KHDRBS2: variants seen among roughly 807,000 people sequenced by gnomAD.
KHDRBS2 encodes KH domain-containing, RNA-binding, signal transduction-associated protein 2.
Under a neutral mutation model 44.3 loss-of-function variants are expected in KHDRBS2, and 26 were observed. The ratio of observed to expected loss-of-function variants is 0.59; its 90% CI spans 0.43 to 0.81. The LOEUF is 0.81. Ranked by LOEUF, KHDRBS2 falls within the 40% of genes least tolerant of loss-of-function variation. KHDRBS2 has a pLI of 0.00. For synonymous variants in KHDRBS2, 194 were observed against 151.1 expected (o/e 1.28, Z -2.08); for missense variants, 476 against 433.1 (o/e 1.10, Z -0.88).
intron 6 of KHDRBS2, among the ~76,000 whole-genome samples, chr6:61,810,350 C>A (rs1787916589): frequency 6.6e-6 from 1 of 152,008 alleles, no homozygotes; most frequent in African/African-American, 2.4e-5. Context: ...CAATAGCAGG[C>A]CAGAATGGAG....
intron 3 of KHDRBS2, among the ~76,000 whole-genome samples, chr6:62,017,477 A>G (rs759087215): frequency 4.6e-5 from 7 of 152,186 alleles, no homozygotes; most frequent in Non-Finnish European, 1.0e-4. Context: ...GAAAAAAATA[A>G]TGCTACCCAT....
intron 3 of KHDRBS2, among the ~76,000 whole-genome samples, chr6:62,012,357 T>C (rs1336935415): frequency 6.6e-6 from 1 of 152,176 alleles, no homozygotes; most frequent in Non-Finnish European, 1.5e-5. Flanking sequence ...TTGTCCACTG[T>C]AGCAATTTCC....
intron 7 of KHDRBS2, among the ~76,000 whole-genome samples, chr6:61,721,265 C>CT (rs1179842522): frequency 1.3e-5 from 2 of 152,112 alleles, no homozygotes; most frequent in Admixed American, 6.6e-5. Flanking sequence ...GACGCGGGCT[C>CT]TTTTTTGGTT....
In KHDRBS2 at chr6:61,680,092, T is replaced by G. The variant is rs1766158021; in HGVS notation, c.*871A>C. On this transcript the variant is annotated 3_prime_UTR_variant, in exon 9 of 9. Transcript: ENST00000281156. Reference sequence around the variant, plus strand: ...TAAATTATTTAACAACCATAAGTTATTAATACATTTTTAAGTATTACACAA... The same window carrying G: ...TAAATTATTTAACAACCATAAGTTAGTAATACATTTTTAAGTATTACACAA... 1 of 152,368 alleles carries G rather than the reference T, an allele frequency of 6.6e-6. No individual in the cohort carries two copies. The highest frequency in any genetic ancestry group is 2.4e-5 in the African/African-American group (1 of 41,444). 9.4% of individuals were successfully genotyped at this position (152,368 alleles called of 1,614,324 possible). A position where few individuals can be genotyped will look rare whatever the true frequency, so the allele number is the denominator to read the frequency against.
chr6:62,048,281 A>G (rs1021775219), intron 2 of KHDRBS2, among the ~76,000 whole-genome samples: 1 of 151,922 alleles, frequency 6.6e-6, no homozygotes, highest in Non-Finnish European at 1.5e-5. Flanking sequence ...CAAATGAATC[A>G]TTTATTAAGG....
chr6:61,712,317 G>C (rs1161876641), intron 7 of KHDRBS2, among the ~76,000 whole-genome samples: 1 of 151,798 alleles, frequency 6.6e-6, no homozygotes, highest in Non-Finnish European at 1.5e-5. Context: ...ATACTCTACC[G>C]CATTCTGGGT....
chr6:61,717,597 T>C (rs1771665723), intron 7 of KHDRBS2, among the ~76,000 whole-genome samples: 1 of 152,112 alleles, frequency 6.6e-6, no homozygotes, highest in African/African-American at 2.4e-5. Context: ...AGTGACTTTA[T>C]AGTGAATAGT....
At chr6:61,549,343 T>G in the KHDRBS2 span, among the ~76,000 whole-genome samples, 1 of 152,186 alleles carries the variant, frequency 6.6e-6, no homozygotes, top group African/African-American at 2.4e-5. Context: ...AGTCTTAAAA[T>G]TTTTGAATAA....
chr6:62,060,426 A>G (rs1429444541), intron 2 of KHDRBS2, among the ~76,000 whole-genome samples: 2 of 151,804 alleles, frequency 1.3e-5, no homozygotes, highest in African/African-American at 4.8e-5. Flanking sequence ...GGAAACCAAC[A>G]TGACAGCAAA....
intron 2 of KHDRBS2, among the ~76,000 whole-genome samples, chr6:62,063,082 G>A (rs1792450498): frequency 1.4e-5 from 2 of 138,892 alleles, no homozygotes; most frequent in African/African-American, 2.6e-5. Context: ...AAACCAGGAA[G>A]AAGTTGAATC....
intron 3 of KHDRBS2, among the ~76,000 whole-genome samples, chr6:62,021,977 C>T (rs1185327254): frequency 4.0e-5 from 6 of 149,002 alleles, no homozygotes; most frequent in Admixed American, 6.8e-5. Context: ...TATATACACA[C>T]ACTATATATA....
chr6:61,587,675 T>G, the KHDRBS2 span, among the ~76,000 whole-genome samples: 1 of 152,322 alleles, frequency 6.6e-6, no homozygotes, highest in East Asian at 1.9e-4. Flanking sequence ...ATTTTTGATT[T>G]GACAGATTGT....
At chr6:61,966,843 T>C (rs188565888) in intron 4 of KHDRBS2, among the ~76,000 whole-genome samples, 1 of 152,058 alleles carries the variant, frequency 6.6e-6, no homozygotes, top group Non-Finnish European at 1.5e-5. Context: ...CTCCCTATCA[T>C]GCACTTAGAG....
intron 3 of KHDRBS2, among the ~76,000 whole-genome samples, chr6:62,009,692 T>C (rs758976096): frequency 1.3e-5 from 2 of 152,166 alleles, no homozygotes; most frequent in Non-Finnish European, 2.9e-5. Flanking sequence ...ACTCCAGCTG[T>C]GGCTGAAAGG....
At chr6:61,822,961 T>C (rs114336779) in intron 6 of KHDRBS2, among the ~76,000 whole-genome samples, 1 of 152,056 alleles carries the variant, frequency 6.6e-6, no homozygotes, top group Non-Finnish European at 1.5e-5. Context: ...GTTGGTCATC[T>C]CCATAAGGAC....
chr6:61,793,893 G>C (rs1434624835), intron 6 of KHDRBS2, among the ~76,000 whole-genome samples: 1 of 152,002 alleles, frequency 6.6e-6, no homozygotes, highest in African/African-American at 2.4e-5. Context: ...TTGAATTAGA[G>C]GGGTGTTAAT....
At chr6:61,870,288 G>T (rs369481768) in intron 6 of KHDRBS2, among the ~76,000 whole-genome samples, 145 of 152,270 alleles carry the variant, frequency 9.5e-4, no homozygotes, top group African/African-American at 3.3e-3. Flanking sequence ...AAGTTCGAAC[G>T]GGACGGAGCC....
chr6:61,935,477 A>G (rs566482538), intron 4 of KHDRBS2, among the ~76,000 whole-genome samples: 7 of 152,304 alleles, frequency 4.6e-5, no homozygotes, highest in Admixed American at 3.9e-4. Context: ...TCCATGAACA[A>G]TACTTTGCAT....
At chr6:61,954,505 T>C (rs528407943) in intron 4 of KHDRBS2, among the ~76,000 whole-genome samples, 1 of 147,922 alleles carries the variant, frequency 6.8e-6, no homozygotes, top group East Asian at 2.0e-4. Flanking sequence ...GTATGCATAA[T>C]ATATATGAAT....
Sources: allele counts gnomAD v4.1 joint callset (sites outside exome capture counted in the v4.1 genomes callset), GRCh38; gene constraint gnomAD v4.1.1; transcripts MANE v1.5; gene names NCBI Gene and HGNC (gene_info 2026-07-23, HGNC 2026-07-21).